The following NCKAP5 variants were observed in gnomAD, a reference collection of about 807,000 sequenced individuals.
NCKAP5 encodes nck-associated protein 5.
NCKAP5 carries 92 observed loss-of-function variants against 167.0 expected under a neutral mutation model. That is an observed-to-expected ratio of 0.55 (90% CI 0.47 to 0.66). NCKAP5 has a LOEUF of 0.66. NCKAP5 is among the 30% of genes least tolerant of loss of function. NCKAP5 has a pLI of 0.00. For missense variants in NCKAP5, 2,378 were observed against 2,315.0 expected, an observed-to-expected ratio of 1.03 and a Z score of -0.56; for synonymous variants, 891 against 877.4, an observed-to-expected ratio of 1.02 and a Z score of -0.27.
rs138404036 is a variant in NCKAP5 at position 133,376,402 on chromosome 2, C to T, written c.70-73292G>A. ...GGAATCATCCTCGACTCCTCCTTCTCCCCCGTTTGCCCGAGTCCTCATGCC... is the reference window on the plus strand; with the variant it reads ...GGAATCATCCTCGACTCCTCCTTCTTCCCCGTTTGCCCGAGTCCTCATGCC... On this transcript the variant is annotated intron_variant, in intron 3 of 19. Coordinates refer to ENST00000409261, the MANE Select transcript of NCKAP5 (RefSeq NM_207363.3). 4.8e-3 allele frequency among the ~76,000 whole-genome samples: 737 copies of T among 152,320 alleles called. 6 individuals carry two copies. Among genetic ancestry groups the T allele is most frequent in the Middle Eastern group, 0.017 (5 of 294 alleles).
intron 19 of NCKAP5, among the ~76,000 whole-genome samples, chr2:132,687,755 A>ACACACACACC (rs138845809): frequency 2.0e-3 from 284 of 142,276 alleles, no homozygotes; most frequent in African/African-American, 7.3e-3. Context: ...ACACACACAC[A>ACACACACACC]CCCTTCCTCT....
intron 7 of NCKAP5, among the ~76,000 whole-genome samples, chr2:132,978,552 G>A (rs1043481736): frequency 5.3e-5 from 8 of 152,116 alleles, no homozygotes; most frequent in African/African-American, 1.9e-4. Context: ...CAAATTACCT[G>A]TCTTGTCTTC....
intron 8 of NCKAP5, among the ~76,000 whole-genome samples, chr2:132,902,313 T>C (rs1693688206): frequency 6.6e-6 from 1 of 152,200 alleles, no homozygotes; most frequent in Non-Finnish European, 1.5e-5. Context: ...AGACGGTTGA[T>C]AGCTGAGGTG....
chr2:132,787,862 A>G (rs1360943475), intron 13 of NCKAP5, among the ~76,000 whole-genome samples: 1 of 152,174 alleles, frequency 6.6e-6, no homozygotes, highest in Non-Finnish European at 1.5e-5. Flanking sequence ...AAACCAAGCC[A>G]AAGTACCCCA....
chr2:133,438,066 T>A (rs1690605408), intron 3 of NCKAP5, among the ~76,000 whole-genome samples: 1 of 152,242 alleles, frequency 6.6e-6, no homozygotes, highest in South Asian at 2.1e-4. Context: ...GTAACTTGAG[T>A]TGCTAATGGA....
At chr2:132,859,363 T>C (rs560832724) in intron 11 of NCKAP5, among the ~76,000 whole-genome samples, 2 of 152,150 alleles carry the variant, frequency 1.3e-5, no homozygotes, top group African/African-American at 4.8e-5. Context: ...ATTCAGAGGG[T>C]AAATTAGCAA....
chr2:133,553,517 G>A (rs957920824), intron 2 of NCKAP5, among the ~76,000 whole-genome samples: 9 of 152,166 alleles, frequency 5.9e-5, no homozygotes, highest in Non-Finnish European at 1.3e-4. Flanking sequence ...CAGGAATTAC[G>A]GTGGTTGTGG....
the NCKAP5 span, among the ~76,000 whole-genome samples, chr2:133,600,732 G>A: frequency 2.0e-5 from 3 of 152,218 alleles, no homozygotes; most frequent in Non-Finnish European, 4.4e-5. Flanking sequence ...CCCTGACTGA[G>A]GCAGTCACAT....
At chr2:132,834,146 T>A (rs1317696306) in intron 11 of NCKAP5, among the ~76,000 whole-genome samples, 1 of 152,130 alleles carries the variant, frequency 6.6e-6, no homozygotes, top group African/African-American at 2.4e-5. Context: ...TAAGATCATA[T>A]CATCAACAAA....
At chr2:133,610,210 T>C in the NCKAP5 span, among the ~76,000 whole-genome samples, 8 of 152,210 alleles carry the variant, frequency 5.3e-5, no homozygotes, top group African/African-American at 1.9e-4. Flanking sequence ...CTGTTCAGAA[T>C]TATAGCCTGA....
At chr2:133,564,151 C>T (rs922515794) in intron 1 of NCKAP5, among the ~76,000 whole-genome samples, 4 of 151,598 alleles carry the variant, frequency 2.6e-5, no homozygotes, top group Non-Finnish European at 5.9e-5. Context: ...AAAAAAAGTA[C>T]GTGCTGTGGG....
chr2:133,402,940 G>A (rs1688193988), intron 3 of NCKAP5, among the ~76,000 whole-genome samples: 1 of 152,170 alleles, frequency 6.6e-6, no homozygotes, highest in Admixed American at 6.5e-5. Context: ...ACATTTTTCT[G>A]TTAAGAATTT....
intron 8 of NCKAP5, among the ~76,000 whole-genome samples, 161 bp downstream of exon 8, chr2:132,963,557 ACT>A (rs1036100981): frequency 6.6e-6 from 1 of 152,142 alleles, no homozygotes; most frequent in Admixed American, 6.6e-5. Context: ...TTCAGTGCTA[ACT>A]TTTTGCTCAT....
intron 4 of NCKAP5, among the ~76,000 whole-genome samples, chr2:133,292,277 T>C (rs1679654070): frequency 6.6e-6 from 1 of 151,874 alleles, no homozygotes. Flanking sequence ...CCATGGTAAA[T>C]TACCCATTTC....
intron 2 of NCKAP5, among the ~76,000 whole-genome samples, chr2:133,548,834 C>A (rs375848895): frequency 2.6e-5 from 4 of 152,044 alleles, no homozygotes; most frequent in Admixed American, 6.6e-5. Flanking sequence ...CGAGCAAAAT[C>A]ACCAGCTAAC....
At chr2:133,604,006 G>C in the NCKAP5 span, among the ~76,000 whole-genome samples, 1 of 152,194 alleles carries the variant, frequency 6.6e-6, no homozygotes, top group Non-Finnish European at 1.5e-5. Flanking sequence ...TGTGAGTCCT[G>C]GGAGAGGCAG....
intron 8 of NCKAP5, among the ~76,000 whole-genome samples, chr2:132,911,947 A>T (rs992179035): frequency 2.6e-5 from 4 of 151,964 alleles, no homozygotes. Flanking sequence ...TGGTGGTTGG[A>T]GGCACGCCCA....
intron 3 of NCKAP5, among the ~76,000 whole-genome samples, chr2:133,479,882 G>A (rs1680268681): frequency 6.6e-6 from 1 of 151,886 alleles, no homozygotes; most frequent in African/African-American, 2.4e-5. Context: ...GAAACTTAGT[G>A]GAGGATATGG....
chr2:132,751,986 G>A (rs1291363874), intron 16 of NCKAP5, among the ~76,000 whole-genome samples: 1 of 152,182 alleles, frequency 6.6e-6, no homozygotes, highest in Admixed American at 6.5e-5. Context: ...TGTAGAACAG[G>A]GCAATGTGTA....
Sources: gnomAD v4.1 joint callset for allele counts (sites outside exome capture counted in the v4.1 genomes callset) on GRCh38, gnomAD v4.1.1 for gene constraint, MANE v1.5 for transcripts, NCBI Gene and HGNC (gene_info 2026-07-23, HGNC 2026-07-21) for gene names.